Variants in POLR3H observed in about 807,000 individuals in gnomAD.
POLR3H encodes the protein RNA polymerase III subunit H.
In POLR3H, 17 loss-of-function variants were observed where a neutral mutation model predicts 25.5. The observed-to-expected ratio is 0.67, with a 90% CI of 0.46 to 1.00. The LOEUF (loss-of-function observed/expected upper bound fraction) is 1.00. Ranked by LOEUF, POLR3H falls within the 50% of genes least tolerant of loss-of-function variation. POLR3H has a pLI of 0.00. For missense variants in POLR3H, 274 were observed against 265.0 expected (o/e 1.03, Z -0.24); for synonymous variants, 129 against 103.0 (o/e 1.25, Z -1.53).
At chr22:41,543,834 C>T (rs758979347) in intron 1 of POLR3H, 157 bp downstream of exon 1, 1 of 712,766 alleles carries the variant, frequency 1.4e-6, no homozygotes, top group South Asian at 1.5e-5. Context: ...TTCTTTTGAT[C>T]CCCTTCAATA....
At chr22:41,542,376 G>T (rs1396158367) in intron 1 of POLR3H, among the ~76,000 whole-genome samples, 9 of 151,936 alleles carry the variant, frequency 5.9e-5, no homozygotes, top group Non-Finnish European at 4.4e-5. Flanking sequence ...GAGCCCCCAC[G>T]CCCGGCCTGT....
In POLR3H at chr22:41,532,119, CT is replaced by C. The variant is rs2066747086; in HGVS notation, c.333del (p.Glu112SerfsTer132). ...AACTTGGCTGGCTGCTGCAGTGACT[CT>C]GGGGGGATGAGAATGTCATCGAAGA... ...LGFFDDILIPPESLQQPAKFD... is the reference protein window; with the variant it reads ...LGFFDDILIPXESLQQPAKFD... On this transcript the variant is annotated frameshift_variant, in exon 4 of 6. Transcript: ENST00000355209. LOFTEE classifies it high-confidence loss of function. 6.2e-7 allele frequency: 1 copy of C among 1,614,004 alleles called. No homozygotes were observed. The highest frequency in any genetic ancestry group is 8.5e-7 in the Non-Finnish European group (1 of 1,180,004).
intron 4 of POLR3H, among the ~76,000 whole-genome samples, chr22:41,531,333 G>C (rs1422248489): frequency 1.3e-5 from 2 of 152,254 alleles, no homozygotes; most frequent in Non-Finnish European, 2.9e-5. Context: ...TGCCCACTTG[G>C]ATGACAGGTG....
Position 41,529,991 on chromosome 22 carries a change from G to A in POLR3H, c.562-655C>T, listed in dbSNP as rs575350749. ...AGGATGGTCTCAATCTCCTGACCTC[G>A]TGATCCGCCCACCTTGGCCTCCCAA... is the stretch of plus-strand genomic sequence containing the variant. On this transcript the variant is annotated intron_variant, in intron 5 of 5. Transcript: ENST00000355209. Among the ~76,000 whole-genome samples the A allele has an allele frequency of 2.0e-4, 30 of 152,020 alleles. 1 individual carries two copies. The highest frequency in any genetic ancestry group is 1.9e-3 in the South Asian group (9 of 4,812).
intron 3 of POLR3H, 117 bp from the exon 4 acceptor site, chr22:41,532,274 C>T (rs954511439): frequency 2.4e-5 from 24 of 1,014,886 alleles, no homozygotes; most frequent in Non-Finnish European, 2.9e-5. Context: ...AGGCGGATGT[C>T]GCTGTGGAAA....
Position 41,526,069 on chromosome 22 carries a change from G to C in POLR3H, c.*3214C>G, listed in dbSNP as rs952128208. The C allele has an allele frequency of 4.1e-5, 23 of 558,244 alleles. No homozygotes were observed. The highest frequency in any genetic ancestry group is 9.3e-5 in the Admixed American group (3 of 32,246). The allele number at this position is 558,244 out of a possible 1,614,324, so 34.6% of individuals were successfully genotyped here. Reference sequence around the variant, plus strand: ...GCCAGAGGCCTTTGAGGGGATGAAGGCCTGGCCTGAGCCCATGTGGCCTTA... The same window carrying C: ...GCCAGAGGCCTTTGAGGGGATGAAGCCCTGGCCTGAGCCCATGTGGCCTTA... On this transcript the variant is annotated 3_prime_UTR_variant, in exon 6 of 6. Coordinates refer to ENST00000355209, the MANE Select transcript of POLR3H (RefSeq NM_001018050.4).
chr22:41,538,919 A>G (rs1368732420), intron 2 of POLR3H, among the ~76,000 whole-genome samples: 2 of 152,204 alleles, frequency 1.3e-5, no homozygotes, highest in African/African-American at 2.4e-5. Flanking sequence ...GGACTACAGC[A>G]GGGCTTATCC....
Position 41,530,603 on chromosome 22 carries a change from G to A in POLR3H, c.561+84C>T, listed in dbSNP as rs1021461952. 4 of 1,305,858 alleles carry A rather than the reference G, an allele frequency of 3.1e-6. No individual in the cohort carries two copies. The Admixed American group carries it at 8.7e-5, about 29-fold the overall frequency. 80.9% of individuals were successfully genotyped at this position (1,305,858 alleles called of 1,614,324 possible). On this transcript the variant is annotated intron_variant, in intron 5 of 5. Transcript: ENST00000355209. ...CTGACCTGCTGGGGGAGATCCCAGAGCAGAAGCCCCAGGACACAGCTTCCA... is the reference window on the plus strand; with the variant it reads ...CTGACCTGCTGGGGGAGATCCCAGAACAGAAGCCCCAGGACACAGCTTCCA...
chr22:41,544,382 T>TCCACGCCACGCCCCGCCACTCCACG lies in POLR3H; in HGVS notation c.-282_-281insCGTGGAGTGGCGGGGCGTGGCGTGG. The stretch of plus-strand genomic sequence containing the variant: ...GCCACGCCACTCCACGCCACGCCAC[T>TCCACGCCACGCCCCGCCACTCCACG]CCACGCCCCGCACCCGCGCCACGTG... On this transcript the variant is annotated 5_prime_UTR_variant, in exon 1 of 6. Transcript: ENST00000355209. The TCCACGCCACGCCCCGCCACTCCACG allele has an allele frequency of 3.4e-6, 1 of 291,342 alleles. No individual in the cohort carries two copies. Among genetic ancestry groups the TCCACGCCACGCCCCGCCACTCCACG allele is most frequent in the Non-Finnish European group, 6.2e-6 (1 of 160,320 alleles). 18.0% of individuals were successfully genotyped at this position (291,342 alleles called of 1,614,324 possible). A position where few individuals can be genotyped will look rare whatever the true frequency, so the allele number is the denominator to read the frequency against.
rs1225384734 is a variant in POLR3H, at chr22:41,530,789, C to A, written c.459G>T (p.Val153=). 6.2e-7 allele frequency: 1 copy of A among 1,614,118 alleles called. No homozygotes were observed. The highest frequency in any genetic ancestry group is 1.7e-5 in the Admixed American group (1 of 60,024). ...GGGACGTGTCAACAAAGCTCTCGTCCACCACCCGGAAGCGGATCTCCTCGC... is the reference window on the plus strand; with the variant it reads ...GGGACGTGTCAACAAAGCTCTCGTCAACCACCCGGAAGCGGATCTCCTCGC... ...DTGEEIRFRV[V]DESFVDTSPT... is the part of the protein sequence containing the mutation. Residue 153 remains valine, a synonymous_variant, in exon 5 of 6, where the codon GTG becomes GTT. Transcript: ENST00000355209.
chr22:41,541,499 C>A (rs1290465141), intron 1 of POLR3H, among the ~76,000 whole-genome samples: 2 of 152,348 alleles, frequency 1.3e-5, no homozygotes, highest in East Asian at 1.9e-4. Flanking sequence ...TCATCACCCC[C>A]ACTTAGAACC....
chr22:41,527,732 TA>T lies in POLR3H; in HGVS notation c.*1550del. 1 of 1,146,324 alleles carries T rather than the reference TA, an allele frequency of 8.7e-7. No individual in the cohort carries two copies. Among genetic ancestry groups the T allele is most frequent in the Non-Finnish European group, 1.2e-6 (1 of 820,592 alleles). 71.0% of individuals were successfully genotyped at this position (1,146,324 alleles called of 1,614,324 possible). ...GACCTCAGCACCAGCGCACACTTGC[TA>T]GGGGCACCCCTAGTGAAAGGGAGCA... On this transcript the variant is annotated 3_prime_UTR_variant, in exon 6 of 6. Coordinates refer to ENST00000355209, the MANE Select transcript of POLR3H (RefSeq NM_001018050.4).
In POLR3H at chr22:41,527,242, C is replaced by A. The variant is rs768954352; in HGVS notation, c.*2041G>T. On this transcript the variant is annotated 3_prime_UTR_variant, in exon 6 of 6. Transcript: ENST00000355209. ...GCAGGTAGGGCCAGACAGGTGAGGACGGTGCCCTCCTCTGCCTTATAACCT... is the reference window on the plus strand; with the variant it reads ...GCAGGTAGGGCCAGACAGGTGAGGAAGGTGCCCTCCTCTGCCTTATAACCT... 1.9e-6 allele frequency: 3 copies of A among 1,613,626 alleles called. No individual in the cohort carries two copies. The highest frequency in any genetic ancestry group is 1.1e-5 in the South Asian group (1 of 91,054).
chr22:41,526,617 C>A lies in POLR3H; in HGVS notation c.*2666G>T. 1.4e-6 allele frequency: 1 copy of A among 706,612 alleles called. No homozygotes were observed. Among genetic ancestry groups the A allele is most frequent in the Non-Finnish European group, 2.2e-6 (1 of 458,058 alleles). 43.8% of individuals were successfully genotyped at this position (706,612 alleles called of 1,614,324 possible). ...AGAGGCCTGCAGCCCCTCCCTGTGG[C>A]TGAGAAGGCATGAGGCCCAGGTCCG... On this transcript the variant is annotated 3_prime_UTR_variant, in exon 6 of 6. Coordinates refer to ENST00000355209, the MANE Select transcript of POLR3H (RefSeq NM_001018050.4).
intron 1 of POLR3H, among the ~76,000 whole-genome samples, chr22:41,543,523 G>A (rs151144834): frequency 0.012 from 1,800 of 151,802 alleles, 40 homozygotes; most frequent in African/African-American, 0.041. Flanking sequence ...CGGGAGGCTG[G>A]GGCAGGAGAA....
At chr22:41,529,478 T>G (rs1601942751) in intron 5 of POLR3H, 142 bp from the exon 6 acceptor site, 4 of 723,538 alleles carry the variant, frequency 5.5e-6, no homozygotes, top group Non-Finnish European at 4.8e-6. Context: ...TGGAGAGATG[T>G]GGGAGCCACA....
In POLR3H at chr22:41,526,486, G is replaced by A; in HGVS notation, c.*2797C>T. 1 of 1,593,192 alleles carries A rather than the reference G, an allele frequency of 6.3e-7. No homozygotes were observed. Among genetic ancestry groups the A allele is most frequent in the Non-Finnish European group, 8.6e-7 (1 of 1,166,820 alleles). ...AGAGTTGATAGGGGCAATGCCAGTG[G>A]TCACTCCTGAAGGGGCCTGCAAGGC... On this transcript the variant is annotated 3_prime_UTR_variant, in exon 6 of 6. Coordinates refer to ENST00000355209, the MANE Select transcript of POLR3H (RefSeq NM_001018050.4).
In POLR3H at chr22:41,526,000, G is replaced by C. The variant is rs1035679471; in HGVS notation, c.*3283C>G. ...CTGAAGGGTGAGCGAACATTGACCT[G>C]TCCCAACTTTGGGCGGCCTCTGCCC... On this transcript the variant is annotated 3_prime_UTR_variant, in exon 6 of 6. Coordinates refer to ENST00000355209, the MANE Select transcript of POLR3H (RefSeq NM_001018050.4). 2 of 417,712 alleles carry C rather than the reference G, an allele frequency of 4.8e-6. No homozygotes were observed. Among genetic ancestry groups the C allele is most frequent in the Admixed American group, 3.8e-5 (1 of 26,140 alleles). 25.9% of individuals were successfully genotyped at this position (417,712 alleles called of 1,614,324 possible). A position where few individuals can be genotyped will look rare whatever the true frequency, so the allele number is the denominator to read the frequency against.
rs762403516 is a variant in POLR3H, at chr22:41,526,653, C to T, written c.*2630G>A. On this transcript the variant is annotated 3_prime_UTR_variant, in exon 6 of 6. Transcript: ENST00000355209. ...TGAGGCCCAGGTCCGGTGGTACAGC[C>T]GGGTCCCTGCACCAGGAGGAGTTAG... The T allele has an allele frequency of 1.3e-5, 7 of 523,038 alleles. No individual in the cohort carries two copies. The highest frequency in any genetic ancestry group is 1.0e-4 in the Admixed American group (3 of 29,746). 32.4% of individuals were successfully genotyped at this position (523,038 alleles called of 1,614,324 possible).
Sources: allele counts gnomAD v4.1 joint callset (sites outside exome capture counted in the v4.1 genomes callset), GRCh38; gene constraint gnomAD v4.1.1; transcripts MANE v1.5; gene names NCBI Gene and HGNC (gene_info 2026-07-23, HGNC 2026-07-21).